Variants in DNAI1 observed in about 807,000 individuals in gnomAD.
The protein encoded by DNAI1 is dynein, axonemal, intermediate polypeptide 1.
DNAI1 carries 67 observed loss-of-function variants against 92.0 expected under a neutral mutation model. That is an observed-to-expected ratio of 0.73 (90% confidence interval 0.60 to 0.89). DNAI1 has a LOEUF of 0.89. Among genes scored for constraint, DNAI1 ranks in the 40% least tolerant of loss-of-function variants. The pLI, the probability that DNAI1 is intolerant of heterozygous loss-of-function variation, is 0.00. For missense variants in DNAI1, 839 were observed against 866.6 expected (o/e 0.97, Z 0.40); for synonymous variants, 323 against 319.6 (o/e 1.01, Z -0.11).
intron 1 of DNAI1, among the ~76,000 whole-genome samples, chr9:34,476,347 TTC>T (rs1207526033): frequency 6.6e-6 from 1 of 152,198 alleles, no homozygotes; most frequent in Non-Finnish European, 1.5e-5. Context: ...AACCACCTCA[TTC>T]TCTCTCAGCT....
At position 34,491,528 on chromosome 9, in the gene DNAI1, A is replaced by G. The variant is rs1824592843; in HGVS notation, c.655A>G (p.Thr219Ala). The G allele has an allele frequency of 1.2e-6, 2 of 1,614,178 alleles. No individual in the cohort carries two copies. The highest frequency in any genetic ancestry group is 1.7e-6 in the Non-Finnish European group (2 of 1,180,040). ...RECQTEPPPR[T>A]NFSATANQWE... ...ATGCCAGACGGAGCCTCCTCCCAGG[A>G]CAAACTTTTCAGCCACAGCCAATCA... Residue 219 changes from threonine (T) to alanine (A), a missense_variant, in exon 8 of 20, where the codon ACA becomes GCA. By Grantham distance (58) the Thr-to-Ala change is moderately conservative (BLOSUM62 0). Coordinates refer to ENST00000242317, the MANE Select transcript of DNAI1 (RefSeq NM_012144.4).
intron 9 of DNAI1, among the ~76,000 whole-genome samples, chr9:34,496,887 A>G (rs1824737154): frequency 6.6e-6 from 1 of 152,204 alleles, no homozygotes; most frequent in Non-Finnish European, 1.5e-5. Flanking sequence ...CCAGGGGCCA[A>G]GTATATCAGC....
chr9:34,501,241 T>A, intron 12 of DNAI1, 60 bp downstream of exon 12: 1 of 1,341,004 alleles, frequency 7.5e-7, no homozygotes, highest in East Asian at 2.3e-5. Context: ...AAGTACCTAC[T>A]CTGTGCAGAA....
chr9:34,489,332 T>C lies in DNAI1; in HGVS notation c.271T>C (p.Tyr91His). ...GCCCCTCTCTTCTTAGGAAGGCACA[T>C]ATAAGCCTATTGGCTTTGTGAACCA... ...IVRYSFKEGT[Y>H]KPIGFVNQLA... Residue 91 changes from tyrosine to histidine, a missense_variant, in exon 5 of 20, where the codon TAT becomes CAT. Coordinates refer to ENST00000242317, the MANE Select transcript of DNAI1 (RefSeq NM_012144.4). The C allele has an allele frequency of 6.2e-7, 1 of 1,613,998 alleles. No individual in the cohort carries two copies.
Position 34,459,026 on chromosome 9 carries a change from G to A in DNAI1, c.21G>A (p.Lys7=), listed in dbSNP as rs1181888647. MIPASA[K]APHKQPHKQS... is the part of the protein sequence containing the mutation. Reference sequence around the variant, plus strand: ...TTGAGATGATTCCTGCTTCTGCGAAGGCTCCCCATAAACAGCCTCATAAGC... The same window carrying A: ...TTGAGATGATTCCTGCTTCTGCGAAAGCTCCCCATAAACAGCCTCATAAGC... The change falls in exon 1 of 20, where the codon AAG becomes AAA. Residue 7 remains lysine, a synonymous_variant. Transcript: ENST00000242317. 3 of 1,614,028 alleles carry A rather than the reference G, an allele frequency of 1.9e-6. No homozygotes were observed. Among genetic ancestry groups the A allele is most frequent in the Non-Finnish European group, 2.5e-6 (3 of 1,180,008 alleles).
intron 12 of DNAI1, among the ~76,000 whole-genome samples, chr9:34,501,853 C>T (rs539239750): frequency 3.9e-5 from 6 of 152,290 alleles, no homozygotes; most frequent in African/African-American, 1.4e-4. Context: ...CAGTTACCCA[C>T]CCAAGGCAGG....
intron 9 of DNAI1, among the ~76,000 whole-genome samples, chr9:34,493,817 G>A (rs1263030140): frequency 6.6e-6 from 1 of 152,146 alleles, no homozygotes; most frequent in Non-Finnish European, 1.5e-5. Flanking sequence ...TACCATAAAT[G>A]CTAGGCCAAT....
At chr9:34,517,976 T>A (rs1315065343) in intron 19 of DNAI1, among the ~76,000 whole-genome samples, 1 of 152,200 alleles carries the variant, frequency 6.6e-6, no homozygotes, top group Non-Finnish European at 1.5e-5. Context: ...CTGGTTCCTG[T>A]TTCTAGGGTC....
intron 1 of DNAI1, among the ~76,000 whole-genome samples, chr9:34,462,451 C>T (rs921206361): frequency 6.6e-6 from 1 of 152,176 alleles, no homozygotes; most frequent in African/African-American, 2.4e-5. Flanking sequence ...GATATCCCCT[C>T]TAGACTATAA....
At chr9:34,472,977 T>C (rs1824169739) in intron 1 of DNAI1, among the ~76,000 whole-genome samples, 1 of 152,086 alleles carries the variant, frequency 6.6e-6, no homozygotes, top group African/African-American at 2.4e-5. Flanking sequence ...TCACACTGCA[T>C]GCACAAAAAC....
intron 1 of DNAI1, among the ~76,000 whole-genome samples, chr9:34,465,901 T>C (rs573026112): frequency 6.6e-6 from 1 of 152,364 alleles, no homozygotes; most frequent in African/African-American, 2.4e-5. Flanking sequence ...GTTGTAACTT[T>C]AGTTTCACTG....
chr9:34,484,062 A>G (rs1824426344), intron 2 of DNAI1, among the ~76,000 whole-genome samples: 1 of 151,934 alleles, frequency 6.6e-6, no homozygotes, highest in African/African-American at 2.4e-5. Flanking sequence ...CTAAAATACA[A>G]AGATTTGCTA....
intron 1 of DNAI1, among the ~76,000 whole-genome samples, chr9:34,482,842 G>T (rs909488289): frequency 2.0e-5 from 3 of 152,376 alleles, no homozygotes; most frequent in East Asian, 1.9e-4. Flanking sequence ...GGCTGGGGCC[G>T]CACAAGAGCC....
At position 34,513,359 on chromosome 9, in the gene DNAI1, A is replaced by G. The variant is rs1017581972; in HGVS notation, c.1569+168A>G. On this transcript the variant is annotated intron_variant, in intron 16 of 19. Transcript: ENST00000242317. ...CTTGACCTGCTTGGGTGATAGGAAT[A>G]AGGGCTAAATGCAGGAAAGGGGATG... 4.6e-5 allele frequency among the ~76,000 whole-genome samples: 7 copies of G among 152,178 alleles called. No individual in the cohort carries two copies. The East Asian group carries it at 1.3e-3, about 29-fold the overall frequency.
At chr9:34,497,645 T>C (rs145988093) in intron 10 of DNAI1, among the ~76,000 whole-genome samples, 81 of 152,270 alleles carry the variant, frequency 5.3e-4, no homozygotes, top group Non-Finnish European at 1.1e-3. Context: ...AATGCCAGAA[T>C]GTATGGGGTA....
chr9:34,498,002 C>G (rs1824759113), intron 10 of DNAI1, among the ~76,000 whole-genome samples: 1 of 152,170 alleles, frequency 6.6e-6, no homozygotes, highest in African/African-American at 2.4e-5. Flanking sequence ...TCTCTGCAGA[C>G]AGTTCAGAGA....
intron 6 of DNAI1, 30 bp downstream of exon 6, chr9:34,490,154 T>C (rs781302140): frequency 6.2e-7 from 1 of 1,613,614 alleles, no homozygotes; most frequent in Admixed American, 1.7e-5. Context: ...TGTGTCCCTC[T>C]TCTTCCAGCT....
At chr9:34,514,841 A>G (rs879571189) in intron 18 of DNAI1, 102 bp downstream of exon 18, 157 of 1,296,856 alleles carry the variant, frequency 1.2e-4, no homozygotes, top group Non-Finnish European at 1.7e-4. Flanking sequence ...TAGGTCAGGA[A>G]GGAGAAGGCG....
At chr9:34,505,072 A>G (rs1423049315) in intron 12 of DNAI1, among the ~76,000 whole-genome samples, 1 of 152,156 alleles carries the variant, frequency 6.6e-6, no homozygotes, top group Non-Finnish European at 1.5e-5. Context: ...CTAAATGTCT[A>G]CTATATTAGT....
Sources: allele counts gnomAD v4.1 joint callset (sites outside exome capture counted in the v4.1 genomes callset), GRCh38; gene constraint gnomAD v4.1.1; transcripts MANE v1.5; gene names NCBI Gene and HGNC (gene_info 2026-07-23, HGNC 2026-07-21).